PCDH11Y: variants seen among roughly 807,000 people sequenced by gnomAD.
The protein encoded by PCDH11Y is protocadherin 11 Y-linked.
For synonymous variants in PCDH11Y, 9 were observed against 83.6 expected (o/e 0.11, Z 4.87); for missense variants, 12 against 224.8 (o/e 0.05, Z 6.05).
chrY:5,737,856 G>A, exon 5 of PCDH11Y: 1 of 399,228 alleles, frequency 2.5e-6, no homozygotes, highest in Non-Finnish European at 3.5e-6. Context: ...TTCAATTAAA[G>A]TCATTCCTTT....
At chrY:5,365,339 C>T (rs2124672449) in intron 2 of PCDH11Y, among the ~76,000 whole-genome samples, 1 of 32,845 alleles carries the variant, frequency 3.0e-5, no homozygotes, top group Non-Finnish European at 7.5e-5. Context: ...TGTAAAGACT[C>T]GTTGCTCAAA....
chrY:5,554,652 T>C (rs2053422063), intron 3 of PCDH11Y, among the ~76,000 whole-genome samples: 1 of 33,748 alleles, frequency 3.0e-5, no homozygotes, highest in African/African-American at 1.2e-4. Context: ...GGGGCCAAGG[T>C]AGAGGTTGGG....
chrY:5,547,265 C>T (rs2053413915), intron 3 of PCDH11Y, among the ~76,000 whole-genome samples: 1 of 18,978 alleles, frequency 5.3e-5, no homozygotes, highest in Admixed American at 4.5e-4. Flanking sequence ...ATCTATCTAT[C>T]TATCTATCTA....
intron 2 of PCDH11Y, among the ~76,000 whole-genome samples, chrY:5,247,393 T>A: frequency 3.0e-5 from 1 of 32,944 alleles, no homozygotes; most frequent in South Asian, 6.8e-4. Flanking sequence ...CAGACCACCG[T>A]GCAATCAAAT....
rs1602914383 is a variant in PCDH11Y at position 5,373,665 on chromosome Y, A to G, written c.3130-127392A>G. 1.6e-4 allele frequency among the ~76,000 whole-genome samples: 5 copies of G among 31,212 alleles called. No individual in the cohort carries two copies. In the East Asian group the frequency reaches 4.2e-3, roughly 26 times the overall value. The allele number at this position is 31,212 out of a possible 37,273, so 83.7% of individuals were successfully genotyped here. A position where few individuals can be genotyped will look rare whatever the true frequency, so the allele number is the denominator to read the frequency against. On this transcript the variant is annotated intron_variant, in intron 2 of 4. Transcript: ENST00000400457. ...TTTCTTTATAAGATCATCTGCAAGC[A>G]TAATTTCAGGAACTGGCCTTGGAAA...
intron 2 of PCDH11Y, among the ~76,000 whole-genome samples, chrY:5,399,329 G>A: frequency 3.2e-5 from 1 of 31,482 alleles, no homozygotes; most frequent in Non-Finnish European, 7.6e-5. Flanking sequence ...CACAAGCACA[G>A]ATGCTTTTTA....
At chrY:5,083,482 T>A in intron 1 of PCDH11Y, among the ~76,000 whole-genome samples, 2 of 31,558 alleles carry the variant, frequency 6.3e-5, no homozygotes, top group African/African-American at 2.5e-4. Flanking sequence ...TTTTGATGTG[T>A]CTTAGTCTGA....
intron 3 of PCDH11Y, among the ~76,000 whole-genome samples, chrY:5,553,564 C>A (rs2053420821): frequency 3.1e-5 from 1 of 32,173 alleles, no homozygotes; most frequent in African/African-American, 1.2e-4. Flanking sequence ...TGTCTCCACA[C>A]AAATCTCATC....
intron 4 of PCDH11Y, 29 bp downstream of exon 5, chrY:5,581,827 C>T (rs769644363): frequency 1.1e-5 from 4 of 360,727 alleles, no homozygotes; most frequent in Non-Finnish European, 1.5e-5. Flanking sequence ...CAAACCATCA[C>T]CATGTTGCAT....
intron 4 of PCDH11Y, among the ~76,000 whole-genome samples, chrY:5,736,152 C>T (rs372418766): frequency 9.7e-3 from 318 of 32,868 alleles, no homozygotes; most frequent in South Asian, 0.04. Context: ...CTTTGAATAT[C>T]GTGTCAGCTG....
intron 4 of PCDH11Y, among the ~76,000 whole-genome samples, chrY:5,703,116 G>C: frequency 3.1e-5 from 1 of 32,713 alleles, no homozygotes; most frequent in African/African-American, 1.2e-4. Flanking sequence ...AAATAAAAAA[G>C]TAAGAAAATA....
intron 3 of PCDH11Y, among the ~76,000 whole-genome samples, chrY:5,513,089 GGCGTGATCTCGGCTCACTGCAA>G (rs2053367800): frequency 3.1e-5 from 1 of 32,043 alleles, no homozygotes; most frequent in African/African-American, 1.2e-4. Context: ...GGAGTGCAGT[GGCGTGATCTCGGCTCACTGCAA>G]GCTCCACCTC....
chrY:5,684,123 A>G, intron 4 of PCDH11Y, among the ~76,000 whole-genome samples: 2 of 33,332 alleles, frequency 6.0e-5, no homozygotes, highest in Non-Finnish European at 1.5e-4. Context: ...TACAAAGAAA[A>G]TCTTATAATC....
At chrY:5,327,346 G>A in intron 2 of PCDH11Y, among the ~76,000 whole-genome samples, 3 of 33,278 alleles carry the variant, frequency 9.0e-5, no homozygotes, top group African/African-American at 3.5e-4. Context: ...TTGGCACCAC[G>A]GGGTGGATAG....
intron 3 of PCDH11Y, among the ~76,000 whole-genome samples, chrY:5,545,056 A>G (rs2124693441): frequency 3.1e-5 from 1 of 32,410 alleles, no homozygotes; most frequent in East Asian, 8.1e-4. Context: ...TTAAATTTTC[A>G]TTAACCTAGT....
At chrY:5,634,786 CTGTGTGTGTGTGTG>C (rs376011278) in intron 4 of PCDH11Y, 1 of 26,334 alleles carries the variant, frequency 3.8e-5, no homozygotes, top group Non-Finnish European at 9.2e-5. Flanking sequence ...AAAAATGTAT[CTGTGTGTGTGTGTG>C]TGTGTGTGTG....
chrY:5,475,026 A>G, intron 2 of PCDH11Y, among the ~76,000 whole-genome samples: 1 of 31,647 alleles, frequency 3.2e-5, no homozygotes, highest in East Asian at 8.0e-4. Context: ...GTATCCTGCA[A>G]CTCTGCTGAT....
intron 4 of PCDH11Y, among the ~76,000 whole-genome samples, chrY:5,682,228 C>T (rs2124709630): frequency 4.9e-4 from 9 of 18,276 alleles, no homozygotes; most frequent in African/African-American, 1.9e-3. Context: ...TTCCCAACTC[C>T]TTGGTACCGT....
intron 2 of PCDH11Y, among the ~76,000 whole-genome samples, chrY:5,490,845 C>T: frequency 2.9e-5 from 1 of 34,357 alleles, no homozygotes. Flanking sequence ...CTTGGCCTCT[C>T]AGCTCTCCAG....
Sources: allele counts gnomAD v4.1 joint callset (sites outside exome capture counted in the v4.1 genomes callset), GRCh38; gene constraint gnomAD v4.1.1; transcripts MANE v1.5; gene names NCBI Gene and HGNC (gene_info 2026-07-23, HGNC 2026-07-21).